Variants in SDK1 observed in about 807,000 individuals in gnomAD.
SDK1 encodes the protein protein sidekick-1.
Under a neutral mutation model 245.5 loss-of-function variants are expected in SDK1, and 157 were observed. The observed-to-expected ratio is 0.64, with a 90% CI of 0.56 to 0.73. SDK1 has a LOEUF of 0.73. Among genes scored for constraint, SDK1 ranks in the 30% least tolerant of loss-of-function variants. SDK1 has a pLI of 0.00. For synonymous variants in SDK1, 1,647 were observed against 1,278.5 expected (o/e 1.29, Z -6.15); for missense variants, 3,583 against 3,002.3 (o/e 1.19, Z -4.52).
chr7:3,749,382 C>T (rs1779714602), intron 4 of SDK1, among the ~76,000 whole-genome samples: 1 of 152,190 alleles, frequency 6.6e-6, no homozygotes, highest in Non-Finnish European at 1.5e-5. Flanking sequence ...TCACTGCAAC[C>T]TCTGCCTCCC....
At position 3,447,153 on chromosome 7, in the gene SDK1, G is replaced by T. The variant is rs550374437; in HGVS notation, c.298+145269G>T. ...TCTAAGAGATTTATAATTCAGTATT[G>T]TTTATATATGTCTTAGTATATTAGA... On this transcript the variant is annotated intron_variant, in intron 1 of 44. Transcript: ENST00000404826. Among the ~76,000 whole-genome samples, 7 of 152,210 alleles carry T rather than the reference G, an allele frequency of 4.6e-5. No individual in the cohort carries two copies. In the South Asian group the frequency reaches 1.2e-3, roughly 27 times the overall value.
chr7:3,664,242 C>T (rs2341453), intron 4 of SDK1, among the ~76,000 whole-genome samples: 54,839 of 151,836 alleles, frequency 0.36, 10,878 homozygotes, highest in African/African-American at 0.52. Context: ...GGAGGAGCTC[C>T]GTCACTGGGA....
At chr7:3,563,303 T>A (rs1277004666) in intron 1 of SDK1, among the ~76,000 whole-genome samples, 1 of 152,186 alleles carries the variant, frequency 6.6e-6, no homozygotes, top group Non-Finnish European at 1.5e-5. Context: ...ATTCCTGGAT[T>A]ATCCATCGTA....
intron 1 of SDK1, among the ~76,000 whole-genome samples, chr7:3,310,416 G>T (rs1435032795): frequency 6.6e-6 from 1 of 152,204 alleles, no homozygotes; most frequent in Non-Finnish European, 1.5e-5. Flanking sequence ...GTAGCAGCTT[G>T]GGCTAGGTGG....
intron 25 of SDK1, among the ~76,000 whole-genome samples, chr7:4,122,753 A>G (rs1009693030): frequency 8.5e-5 from 13 of 152,332 alleles, no homozygotes; most frequent in Middle Eastern, 6.8e-3. Flanking sequence ...GTTTTTAATG[A>G]AAGGGGAATT....
intron 1 of SDK1, among the ~76,000 whole-genome samples, chr7:3,449,360 A>C (rs778154734): frequency 3.3e-5 from 5 of 151,026 alleles, no homozygotes; most frequent in African/African-American, 4.8e-5. Flanking sequence ...GGTGGTACAA[A>C]ATCGTGCTTT....
intron 1 of SDK1, among the ~76,000 whole-genome samples, chr7:3,491,200 T>G (rs908628105): frequency 1.3e-5 from 2 of 152,218 alleles, no homozygotes; most frequent in Non-Finnish European, 2.9e-5. Context: ...TACAGTTAGG[T>G]GCCCTCTAGG....
At chr7:4,122,607 TGATATA>T (rs1396056982) in intron 25 of SDK1, among the ~76,000 whole-genome samples, 1 of 152,062 alleles carries the variant, frequency 6.6e-6, no homozygotes, top group Middle Eastern at 3.2e-3. Context: ...TGATATATTA[TGATATA>T]TTCTAAGGAT....
At chr7:3,765,103 T>A (rs1299182358) in intron 4 of SDK1, among the ~76,000 whole-genome samples, 2 of 152,136 alleles carry the variant, frequency 1.3e-5, no homozygotes, top group East Asian at 1.9e-4. Context: ...TGTATAAGGA[T>A]ACTGAGAGCA....
chr7:3,714,668 A>ACTG (rs1785149611), intron 4 of SDK1, among the ~76,000 whole-genome samples: 1 of 152,224 alleles, frequency 6.6e-6, no homozygotes, highest in South Asian at 2.1e-4. Context: ...CAGGTACAGA[A>ACTG]CTGCTGTGTA....
chr7:4,149,191 A>G (rs1484482118), intron 29 of SDK1, 71 bp from the exon 30 acceptor site: 42 of 1,294,472 alleles, frequency 3.2e-5, no homozygotes, highest in Non-Finnish European at 4.2e-5. Context: ...ACAGCAGCGT[A>G]GCCTCCTGGG....
intron 4 of SDK1, among the ~76,000 whole-genome samples, chr7:3,662,321 C>T (rs79985664): frequency 1.1e-3 from 166 of 152,224 alleles, no homozygotes; most frequent in African/African-American, 3.8e-3. Context: ...AAAAGACATC[C>T]TGTCTGGTTA....
chr7:3,402,637 T>G (rs1010545091), intron 1 of SDK1, among the ~76,000 whole-genome samples: 1 of 151,782 alleles, frequency 6.6e-6, no homozygotes, highest in African/African-American at 2.4e-5. Flanking sequence ...TTGTTGTTGC[T>G]TTTTTTCATC....
intron 1 of SDK1, among the ~76,000 whole-genome samples, chr7:3,401,025 A>G (rs1459461165): frequency 1.3e-5 from 2 of 152,162 alleles, no homozygotes; most frequent in African/African-American, 4.8e-5. Flanking sequence ...GTAGTCATCT[A>G]ATACTGCCTC....
At chr7:3,897,684 G>T (rs1781648929) in intron 5 of SDK1, among the ~76,000 whole-genome samples, 1 of 152,038 alleles carries the variant, frequency 6.6e-6, no homozygotes, top group Non-Finnish European at 1.5e-5. Context: ...CAACAACTTT[G>T]TTAAAATTAT....
At chr7:3,329,108 A>G (rs1006547423) in intron 1 of SDK1, among the ~76,000 whole-genome samples, 1 of 152,144 alleles carries the variant, frequency 6.6e-6, no homozygotes, top group Non-Finnish European at 1.5e-5. Context: ...TGCATTTTTC[A>G]TTTAAATTAA....
chr7:3,400,529 A>C (rs1778861637), intron 1 of SDK1, among the ~76,000 whole-genome samples: 2 of 152,158 alleles, frequency 1.3e-5, no homozygotes, highest in Admixed American at 1.3e-4. Flanking sequence ...GAACGTATGT[A>C]CTTATAAATA....
At chr7:4,038,685 A>G (rs1788388183) in intron 17 of SDK1, among the ~76,000 whole-genome samples, 1 of 152,208 alleles carries the variant, frequency 6.6e-6, no homozygotes, top group East Asian at 1.9e-4. Context: ...TGCAGGAGGA[A>G]TTTTGGCTTT....
intron 1 of SDK1, among the ~76,000 whole-genome samples, chr7:3,317,536 T>C (rs1159933941): frequency 1.3e-5 from 2 of 151,628 alleles, no homozygotes; most frequent in Non-Finnish European, 2.9e-5. Context: ...GTTCCCTGGG[T>C]GCCTGCCAGG....
Sources: gnomAD v4.1 joint callset for allele counts (sites outside exome capture counted in the v4.1 genomes callset) on GRCh38, gnomAD v4.1.1 for gene constraint, MANE v1.5 for transcripts, NCBI Gene and HGNC (gene_info 2026-07-23, HGNC 2026-07-21) for gene names.